Variants in KCNJ15 observed in about 807,000 individuals in gnomAD.
KCNJ15 encodes the protein potassium inwardly rectifying channel subfamily J member 15.
KCNJ15 carries 14 observed loss-of-function variants against 23.0 expected under a neutral mutation model. The ratio of observed to expected loss-of-function variants is 0.61; its 90% CI spans 0.40 to 0.95. The LOEUF is 0.95. Ranked by LOEUF, KCNJ15 falls within the 40% of genes least tolerant of loss-of-function variation. The pLI, the probability that KCNJ15 is intolerant of heterozygous loss-of-function variation, is 0.00. For missense variants in KCNJ15, 388 were observed against 461.8 expected (o/e 0.84, Z 1.46); for synonymous variants, 185 against 183.2 (o/e 1.01, Z -0.08).
chr21:38,248,839 C>T (rs1384356095), intron 1 of KCNJ15, among the ~76,000 whole-genome samples: 4 of 152,298 alleles, frequency 2.6e-5, no homozygotes, highest in African/African-American at 9.6e-5. Context: ...CACCATGGAG[C>T]TGCATTCCCT....
chr21:38,281,785 C>T (rs979427358), intron 1 of KCNJ15, among the ~76,000 whole-genome samples: 14 of 148,604 alleles, frequency 9.4e-5, no homozygotes, highest in Admixed American at 8.6e-4. Flanking sequence ...GGAATACACC[C>T]AGTAATGGGA....
intron 1 of KCNJ15, among the ~76,000 whole-genome samples, chr21:38,264,408 G>C (rs1401117876): frequency 6.6e-6 from 1 of 152,214 alleles, no homozygotes; most frequent in African/African-American, 2.4e-5. Context: ...GGTTCGCCCT[G>C]CTTGGCCCCA....
chr21:38,252,354 G>T (rs187227935), upstream of KCNJ15, among the ~76,000 whole-genome samples: 1 of 152,064 alleles, frequency 6.6e-6, no homozygotes, highest in African/African-American at 2.4e-5. Context: ...CTTCCTGTGG[G>T]CTTCTAGAAT....
Position 38,238,302 on chromosome 21 carries a change from C to A in KCNJ15, c.-398-18744C>A. ...AGCAGGCTTGATTCTCACACACATACGCAGTGGCCTGGTCTTCCTGCCTTC... is the reference window on the plus strand; with the variant it reads ...AGCAGGCTTGATTCTCACACACATAAGCAGTGGCCTGGTCTTCCTGCCTTC... On this transcript the variant is annotated intron_variant, in intron 1 of 4. Transcript: ENST00000547341. The A allele has an allele frequency of 4.2e-6, 3 of 711,290 alleles. No individual in the cohort carries two copies. In the Admixed American group the frequency reaches 5.3e-5, roughly 13 times the overall value. 44.1% of individuals were successfully genotyped at this position (711,290 alleles called of 1,614,324 possible).
rs1981018177 is a variant in KCNJ15 at position 38,262,508 on chromosome 21, C to T, written c.-117+5323C>T. Among the ~76,000 whole-genome samples the T allele has an allele frequency of 1.3e-5, 2 of 152,064 alleles. 1 individual carries two copies. Among genetic ancestry groups the T allele is most frequent in the South Asian group, 4.1e-4 (2 of 4,820 alleles). ...CTGTGTAGGTATAGAGAGGCTATCC[C>T]AATGTCAACAACATCAGAATACAAT... On this transcript the variant is annotated intron_variant, in intron 1 of 2. Transcript: ENST00000398938.
intron 1 of KCNJ15, among the ~76,000 whole-genome samples, chr21:38,260,797 T>C (rs1266053358): frequency 6.6e-6 from 1 of 152,178 alleles, no homozygotes; most frequent in Non-Finnish European, 1.5e-5. Context: ...CTGGAAAGAA[T>C]TAGCAACAGA....
chr21:38,247,160 G>A (rs953170207), intron 1 of KCNJ15, among the ~76,000 whole-genome samples: 24 of 148,558 alleles, frequency 1.6e-4, no homozygotes, highest in Admixed American at 6.7e-5. Context: ...ATGCATGGAT[G>A]TATAGGTATA....
At chr21:38,259,361 C>A (rs1018176674) in intron 1 of KCNJ15, among the ~76,000 whole-genome samples, 2 of 152,096 alleles carry the variant, frequency 1.3e-5, no homozygotes, top group African/African-American at 4.8e-5. Context: ...ATGACTGGCC[C>A]GTGGGAATGC....
At chr21:38,285,352 G>A (rs1472432549) in intron 1 of KCNJ15, among the ~76,000 whole-genome samples, 2 of 152,098 alleles carry the variant, frequency 1.3e-5, no homozygotes, top group African/African-American at 4.8e-5. Flanking sequence ...GTTTTATGGT[G>A]CTTTATATGT....
rs75800598 is a variant in KCNJ15, at chr21:38,300,514, A to G, written c.*125A>G. 3 of 744,584 alleles carry G rather than the reference A, an allele frequency of 4.0e-6. No homozygotes were observed. The East Asian group carries it at 8.1e-5, about 20-fold the overall frequency. The allele number at this position is 744,584 out of a possible 1,614,324, so 46.1% of individuals were successfully genotyped here. On this transcript the variant is annotated 3_prime_UTR_variant, in exon 3 of 3. Coordinates refer to ENST00000398938, the MANE Select transcript of KCNJ15 (RefSeq NM_170736.3). ...ACTCTCAAAAACTGCACGGACATAC[A>G]AAATCAATCTTTTCCTTTGATCTTG...
chr21:38,269,496 CT>C (rs1300689883), intron 1 of KCNJ15, among the ~76,000 whole-genome samples: 1 of 152,066 alleles, frequency 6.6e-6, no homozygotes. Context: ...TCTTTCATTT[CT>C]GTTAAAAATA....
chr21:38,269,315 T>C (rs1981832350), intron 1 of KCNJ15, among the ~76,000 whole-genome samples: 2 of 152,232 alleles, frequency 1.3e-5, no homozygotes, highest in East Asian at 3.8e-4. Flanking sequence ...TTTCAAGCTT[T>C]TTTTTTAAAC....
intron 1 of KCNJ15, among the ~76,000 whole-genome samples, chr21:38,274,241 C>T (rs1982408957): frequency 6.6e-6 from 1 of 152,202 alleles, no homozygotes; most frequent in African/African-American, 2.4e-5. Context: ...CTGGCTGAAT[C>T]CTTTCTTCAT....
intron 1 of KCNJ15, among the ~76,000 whole-genome samples, chr21:38,251,563 C>T (rs1979836019): frequency 6.6e-6 from 1 of 152,206 alleles, no homozygotes. Flanking sequence ...ACATTCCCAC[C>T]TGACAAAGTT....
At chr21:38,271,051 C>T (rs1285881980) in intron 1 of KCNJ15, among the ~76,000 whole-genome samples, 1 of 152,236 alleles carries the variant, frequency 6.6e-6, no homozygotes, top group African/African-American at 2.4e-5. Flanking sequence ...AGCCCCAGGC[C>T]AGCAGGGTTT....
At chr21:38,272,038 A>C (rs1229661077) in intron 1 of KCNJ15, among the ~76,000 whole-genome samples, 1 of 152,196 alleles carries the variant, frequency 6.6e-6, no homozygotes, top group Non-Finnish European at 1.5e-5. Flanking sequence ...GCTTGACCAG[A>C]TCATTTTTCC....
chr21:38,256,050 C>G (rs1376141780), upstream of KCNJ15, among the ~76,000 whole-genome samples: 1 of 152,074 alleles, frequency 6.6e-6, no homozygotes, highest in African/African-American at 2.4e-5. Flanking sequence ...TAGGATTGAC[C>G]ACGATCCCCA....
chr21:38,252,246 C>T (rs140764981), upstream of KCNJ15, among the ~76,000 whole-genome samples: 436 of 152,290 alleles, frequency 2.9e-3, 1 homozygote, highest in Non-Finnish European at 4.9e-3. Context: ...ATGTCAACAA[C>T]CCTACTTTGT....
intron 1 of KCNJ15, among the ~76,000 whole-genome samples, chr21:38,289,367 T>C (rs1048672704): frequency 2.0e-5 from 3 of 152,204 alleles, no homozygotes; most frequent in South Asian, 2.1e-4. Context: ...TCCTCTGTTG[T>C]AGGTTTGGAC....
Sources: allele counts gnomAD v4.1 joint callset (sites outside exome capture counted in the v4.1 genomes callset), GRCh38; gene constraint gnomAD v4.1.1; transcripts MANE v1.5; gene names NCBI Gene and HGNC (gene_info 2026-07-23, HGNC 2026-07-21).